COMMD1: variants seen among roughly 807,000 people sequenced by gnomAD.
COMMD1 encodes the protein COMM domain-containing protein 1.
COMMD1 carries 10 observed loss-of-function variants against 17.2 expected under a neutral mutation model. The observed-to-expected ratio is 0.58, with a 90% CI of 0.36 to 0.99. The LOEUF (loss-of-function observed/expected upper bound fraction) is 0.99, where lower values mean the gene tolerates loss of function less well. COMMD1 is among the 50% of genes least tolerant of loss of function. The pLI is 0.01. For missense variants in COMMD1, 270 were observed against 231.8 expected, an observed-to-expected ratio of 1.17 and a Z score of -1.07; for synonymous variants, 97 against 91.6, an observed-to-expected ratio of 1.06 and a Z score of -0.34.
upstream of COMMD1, among the ~76,000 whole-genome samples, chr2:61,903,312 C>T (rs540446389): frequency 8.8e-4 from 133 of 151,764 alleles, 1 homozygote; most frequent in African/African-American, 2.5e-3. Flanking sequence ...GGCGTGGTGG[C>T]GCATGCCTAT....
chr2:61,944,536 C>T (rs1340099374), intron 1 of COMMD1, among the ~76,000 whole-genome samples: 1 of 152,128 alleles, frequency 6.6e-6, no homozygotes, highest in African/African-American at 2.4e-5. Flanking sequence ...TTCCTAGGAG[C>T]TTAGCTAAAC....
At chr2:62,027,914 A>G (rs987458206) in intron 2 of COMMD1, among the ~76,000 whole-genome samples, 1 of 152,104 alleles carries the variant, frequency 6.6e-6, no homozygotes, top group African/African-American at 2.4e-5. Flanking sequence ...TGACCTCCCA[A>G]AGTGCTGGAA....
chr2:62,027,838 T>G (rs1216809904), intron 2 of COMMD1, among the ~76,000 whole-genome samples: 2 of 152,076 alleles, frequency 1.3e-5, no homozygotes, highest in Non-Finnish European at 2.9e-5. Context: ...ATTTTTGTTA[T>G]TTTTTTGAAG....
At chr2:62,027,516 G>A (rs1169062794) in intron 2 of COMMD1, among the ~76,000 whole-genome samples, 1 of 152,108 alleles carries the variant, frequency 6.6e-6, no homozygotes, top group East Asian at 1.9e-4. Context: ...TTTTAGAACT[G>A]TATTGAATAT....
intron 2 of COMMD1, among the ~76,000 whole-genome samples, chr2:62,041,911 A>G (rs952185681): frequency 2.0e-5 from 3 of 152,340 alleles, no homozygotes; most frequent in South Asian, 2.1e-4. Flanking sequence ...AGCAGCAGCA[A>G]GATTTATTGT....
At chr2:61,984,397 A>G (rs1370104079) in intron 1 of COMMD1, among the ~76,000 whole-genome samples, 2 of 152,196 alleles carry the variant, frequency 1.3e-5, no homozygotes, top group Non-Finnish European at 2.9e-5. Context: ...CCATTCAGTA[A>G]TGGTCATTAC....
intron 2 of COMMD1, among the ~76,000 whole-genome samples, chr2:62,107,679 C>T (rs1002669176): frequency 6.6e-6 from 1 of 152,138 alleles, no homozygotes; most frequent in African/African-American, 2.4e-5. Context: ...GCTTTGAAAG[C>T]CTTGACCACC....
intron 1 of COMMD1, among the ~76,000 whole-genome samples, chr2:62,000,433 A>G (rs1161288405): frequency 2.0e-5 from 3 of 151,768 alleles, no homozygotes; most frequent in Admixed American, 6.6e-5. Context: ...GTTATTGCAT[A>G]TATACCACGC....
intron 2 of COMMD1, among the ~76,000 whole-genome samples, chr2:62,017,528 G>A (rs1021552879): frequency 2.6e-5 from 4 of 151,822 alleles, no homozygotes; most frequent in African/African-American, 7.3e-5. Context: ...AAATTAGCAG[G>A]GCATGGTGGT....
At chr2:62,031,161 C>T (rs2103875410) in intron 2 of COMMD1, among the ~76,000 whole-genome samples, 1 of 152,256 alleles carries the variant, frequency 6.6e-6, no homozygotes, top group East Asian at 1.9e-4. Context: ...GGCAATTGAC[C>T]TTATTCTCTA....
intron 2 of COMMD1, among the ~76,000 whole-genome samples, chr2:62,047,920 G>T (rs968578887): frequency 7.2e-5 from 11 of 152,090 alleles, no homozygotes; most frequent in African/African-American, 2.7e-4. Context: ...TGCTGTACAG[G>T]TTTATACCCT....
intron 2 of COMMD1, among the ~76,000 whole-genome samples, chr2:62,045,730 ATTTTTTT>A (rs71410917): frequency 1.5e-4 from 13 of 84,896 alleles, no homozygotes; most frequent in East Asian, 3.1e-4. Context: ...TTTCAAGTTA[ATTTTTTT>A]TTTTTTTTTT....
At chr2:61,909,187 C>G (rs1669844650) in intron 1 of COMMD1, among the ~76,000 whole-genome samples, 1 of 152,134 alleles carries the variant, frequency 6.6e-6, no homozygotes, top group African/African-American at 2.4e-5. Flanking sequence ...CTCGGCCTCC[C>G]AAAGTGCTGA....
At chr2:61,931,487 G>A (rs1390435060) in intron 1 of COMMD1, among the ~76,000 whole-genome samples, 8 of 152,210 alleles carry the variant, frequency 5.3e-5, no homozygotes. Flanking sequence ...AAAGTTGGAA[G>A]AAGACCTCAA....
At chr2:62,029,362 T>A (rs949981637) in intron 2 of COMMD1, among the ~76,000 whole-genome samples, 4 of 152,064 alleles carry the variant, frequency 2.6e-5, no homozygotes, top group African/African-American at 9.7e-5. Flanking sequence ...TATGGAGTCT[T>A]TTTTTACCCC....
chr2:62,028,898 G>A (rs544019701), intron 2 of COMMD1, among the ~76,000 whole-genome samples: 1 of 152,106 alleles, frequency 6.6e-6, no homozygotes, highest in African/African-American at 2.4e-5. Context: ...TTGTCCCTAG[G>A]CTGCTTTTAT....
chr2:61,918,318 T>G (rs1233145734), intron 1 of COMMD1, among the ~76,000 whole-genome samples: 1 of 152,246 alleles, frequency 6.6e-6, no homozygotes, highest in Non-Finnish European at 1.5e-5. Context: ...TGAACATTTT[T>G]GAGACTTTAG....
chr2:61,920,981 A>ATATATATATATATT, intron 1 of COMMD1, among the ~76,000 whole-genome samples: 1 of 141,400 alleles, frequency 7.1e-6, no homozygotes, highest in Non-Finnish European at 1.5e-5. Context: ...ATATATATAT[A>ATATATATATATATT]TTTTTTTTTT....
chr2:62,088,782 A>G (rs1671742243), intron 2 of COMMD1, among the ~76,000 whole-genome samples: 2 of 152,272 alleles, frequency 1.3e-5, no homozygotes, highest in Admixed American at 6.5e-5. Context: ...ATGAGTGATC[A>G]TGGCCCCTGA....
Sources: gnomAD v4.1 joint callset for allele counts (sites outside exome capture counted in the v4.1 genomes callset) on GRCh38, gnomAD v4.1.1 for gene constraint, MANE v1.5 for transcripts, NCBI Gene and HGNC (gene_info 2026-07-23, HGNC 2026-07-21) for gene names.